The following SMURF2 variants were observed in gnomAD, a reference collection of about 807,000 sequenced individuals.
SMURF2 encodes the protein SMAD specific E3 ubiquitin protein ligase 2, also known as E3 ubiquitin-protein ligase SMURF2.
A neutral mutation model predicts 109.6 loss-of-function variants in SMURF2; 48 were observed. That is an observed-to-expected ratio of 0.44 (90% CI 0.35 to 0.56). The LOEUF is 0.56. Ranked by LOEUF, SMURF2 falls within the 20% of genes least tolerant of loss-of-function variation. SMURF2 has a pLI of 0.01. For synonymous variants in SMURF2, 288 were observed against 317.1 expected (o/e 0.91, Z 0.97); for missense variants, 575 against 909.0 (o/e 0.63, Z 4.72).
chr17:64,553,087 A>G (rs1398800477), intron 15 of SMURF2, among the ~76,000 whole-genome samples: 1 of 152,190 alleles, frequency 6.6e-6, no homozygotes, highest in East Asian at 1.9e-4. Context: ...CTATGGAGAC[A>G]GTAAAATATG....
intron 3 of SMURF2, among the ~76,000 whole-genome samples, chr17:64,597,104 T>G (rs528384788): frequency 6.6e-6 from 1 of 152,262 alleles, no homozygotes; most frequent in South Asian, 2.1e-4. Context: ...TGAATACCAA[T>G]TTTAAAAGCT....
chr17:64,655,244 T>C (rs1005908844), intron 1 of SMURF2, among the ~76,000 whole-genome samples: 3 of 145,010 alleles, frequency 2.1e-5, no homozygotes, highest in Non-Finnish European at 4.5e-5. Flanking sequence ...ACAATCCCAA[T>C]GAAATGTCTT....
At chr17:64,577,941 CTT>C (rs1157721982) in intron 9 of SMURF2, among the ~76,000 whole-genome samples, 4 of 121,194 alleles carry the variant, frequency 3.3e-5, no homozygotes, top group African/African-American at 6.3e-5. Context: ...TTTCATTCCA[CTT>C]TTTTTTTTTT....
intron 2 of SMURF2, among the ~76,000 whole-genome samples, chr17:64,602,111 T>C (rs1288413925): frequency 6.6e-6 from 1 of 151,856 alleles, no homozygotes; most frequent in Non-Finnish European, 1.5e-5. Context: ...CTCAGTCACA[T>C]GTGGGAGCTA....
chr17:64,553,225 A>T (rs975136816), intron 15 of SMURF2, among the ~76,000 whole-genome samples: 2 of 152,026 alleles, frequency 1.3e-5, no homozygotes, highest in Non-Finnish European at 2.9e-5. Context: ...ATAAAAAAAC[A>T]GCCAGGCACG....
intron 4 of SMURF2, among the ~76,000 whole-genome samples, chr17:64,592,504 T>A (rs1969764004): frequency 6.6e-6 from 1 of 152,192 alleles, no homozygotes. Flanking sequence ...TGCTGTGGTA[T>A]CATACTACAT....
In SMURF2 at chr17:64,547,819, A is replaced by C; in HGVS notation, c.1870-18T>G. The C allele has an allele frequency of 6.2e-7, 1 of 1,612,830 alleles. No individual in the cohort carries two copies. On this transcript the variant is annotated intron_variant, in intron 16 of 18. Coordinates refer to ENST00000262435, the MANE Select transcript of SMURF2 (RefSeq NM_022739.4). The surrounding 1 kb of genome is among the most constrained non-coding windows in gnomAD (Gnocchi z 4.2). ...ATAATGAGCTGTGAAAATAGTACAC[A>C]GTAATGAACCTGTGGAAACCACAGC...
intron 1 of SMURF2, among the ~76,000 whole-genome samples, chr17:64,613,701 T>TGTGA (rs1970077917): frequency 7.7e-6 from 1 of 130,648 alleles, no homozygotes; most frequent in African/African-American, 3.0e-5. Flanking sequence ...TGTGTGTGTG[T>TGTGA]GTGTGTGTGT....
At chr17:64,644,556 A>G (rs1970534533) in intron 1 of SMURF2, among the ~76,000 whole-genome samples, 1 of 149,970 alleles carries the variant, frequency 6.7e-6, no homozygotes, top group Non-Finnish European at 1.5e-5. Context: ...TGATCAAACC[A>G]CTGCACTCCA....
intron 1 of SMURF2, among the ~76,000 whole-genome samples, chr17:64,652,300 T>C (rs1555693575): frequency 6.6e-6 from 1 of 152,168 alleles, no homozygotes; most frequent in Non-Finnish European, 1.5e-5. Context: ...GCTGAACAAA[T>C]TAAACAGCCG....
At chr17:64,640,979 A>G (rs368631872) in intron 1 of SMURF2, among the ~76,000 whole-genome samples, 1 of 152,134 alleles carries the variant, frequency 6.6e-6, no homozygotes, top group East Asian at 1.9e-4. Flanking sequence ...GGGAAGCACT[A>G]ACATCATTTT....
chr17:64,606,729 AATAGTTAAACCCTAACT>A, intron 1 of SMURF2, 89 bp from the exon 2 acceptor site: 1 of 946,332 alleles, frequency 1.1e-6, no homozygotes, highest in South Asian at 1.6e-5. Flanking sequence ...AACAGCAGTG[AATAGTTAAACCCTAACT>A]ATAGCAAGGT....
At chr17:64,571,136 A>C (rs577744760) in intron 10 of SMURF2, among the ~76,000 whole-genome samples, 100 of 152,272 alleles carry the variant, frequency 6.6e-4, no homozygotes, top group Middle Eastern at 6.8e-3. Context: ...AAGTGCTACT[A>C]AGGTGTTAGC....
At position 64,580,868 on chromosome 17, in the gene SMURF2, C is replaced by T. The variant is rs1179127849; in HGVS notation, c.693G>A (p.Arg231=). The change falls in exon 8 of 19, where the codon AGG becomes AGA. Residue 231 remains arginine (R), a synonymous_variant. Transcript: ENST00000262435. ...TTCTATGTCGTTGTGACCTGACTCT[C>T]CTCTCTGCCAGCCTGGGATCTGAAG... ...GQSSDPRLAE[R]RVRSQRHRNY... is the part of the protein sequence containing the mutation. 1.1e-5 allele frequency: 17 copies of T among 1,614,044 alleles called. No individual in the cohort carries two copies. The highest frequency in any genetic ancestry group is 1.4e-5 in the Non-Finnish European group (17 of 1,180,022).
chr17:64,604,596 G>A (rs1324195349), intron 2 of SMURF2, among the ~76,000 whole-genome samples: 1 of 152,098 alleles, frequency 6.6e-6, no homozygotes. Flanking sequence ...CAAAACTGAA[G>A]ATTTTATCTT....
rs569033679 is a variant in SMURF2, at chr17:64,567,711, C to G, written c.1016+4087G>C. Among the ~76,000 whole-genome samples the G allele has an allele frequency of 2.6e-5, 4 of 152,294 alleles. No individual in the cohort carries two copies. In the South Asian group the frequency reaches 8.3e-4, roughly 32 times the overall value. Reference sequence around the variant, plus strand: ...TTTTGCTTTGTTTTTGAAACAAAGTCTGGCTCTATCACCCAGGCTGGAATG... The same window carrying G: ...TTTTGCTTTGTTTTTGAAACAAAGTGTGGCTCTATCACCCAGGCTGGAATG... On this transcript the variant is annotated intron_variant, in intron 10 of 18. Transcript: ENST00000262435.
intron 1 of SMURF2, among the ~76,000 whole-genome samples, chr17:64,653,186 A>G (rs1555693669): frequency 1.3e-5 from 2 of 152,322 alleles, no homozygotes; most frequent in South Asian, 2.1e-4. Flanking sequence ...CAGAATACAT[A>G]AAGAATTCTC....
intron 1 of SMURF2, among the ~76,000 whole-genome samples, chr17:64,644,082 T>C (rs1970525064): frequency 6.6e-6 from 1 of 152,142 alleles, no homozygotes; most frequent in African/African-American, 2.4e-5. Flanking sequence ...CTTGGCTCAC[T>C]GCAACCTCTG....
At position 64,580,837 on chromosome 17, in the gene SMURF2, T is replaced by A. The variant is rs782155333; in HGVS notation, c.724A>T (p.Met242Leu). The A allele has an allele frequency of 2.8e-5, 45 of 1,614,216 alleles. No individual in the cohort carries two copies. In the East Asian group the frequency reaches 9.6e-4, roughly 34 times the overall value. Reference protein sequence around the residue: ...RVRSQRHRNYMSRTHLHTPPD... With the variant: ...RVRSQRHRNYLSRTHLHTPPD... ...GGAGTATGTAAATGTGTTCTGCTCATGTAATTTCTATGTCGTTGTGACCTG... is the reference window on the plus strand; with the variant it reads ...GGAGTATGTAAATGTGTTCTGCTCAAGTAATTTCTATGTCGTTGTGACCTG... The change falls in exon 8 of 19, where the codon ATG becomes TTG. Residue 242 changes from methionine to leucine, a missense_variant. Met to Leu is a conservative substitution (Grantham distance 15). Coordinates refer to ENST00000262435, the MANE Select transcript of SMURF2 (RefSeq NM_022739.4).
Sources: gnomAD v4.1 joint callset for allele counts (sites outside exome capture counted in the v4.1 genomes callset) on GRCh38, gnomAD v4.1.1 for gene constraint, Gnocchi (gnomAD v3.1) non-coding constraint, MANE v1.5 for transcripts, NCBI Gene and HGNC (gene_info 2026-07-23, HGNC 2026-07-21) for gene names.